Variants in CCNJL observed in about 807,000 individuals in gnomAD.
The protein encoded by CCNJL is cyclin J like.
Under a neutral mutation model 33.4 loss-of-function variants are expected in CCNJL, and 33 were observed. That is an observed-to-expected ratio of 0.99 (90% CI 0.75 to 1.32). CCNJL has a LOEUF of 1.32. Ranked by LOEUF, CCNJL falls within the 40% of genes most tolerant of loss-of-function variation. CCNJL has a pLI of 0.00. For synonymous variants in CCNJL, 227 were observed against 220.9 expected, an observed-to-expected ratio of 1.03 and a Z score of -0.24; for missense variants, 512 against 499.7, an observed-to-expected ratio of 1.02 and a Z score of -0.23.
At position 160,250,643 on chromosome 5, in the gene CCNJL, A is replaced by C. The variant is rs933226664; in HGVS notation, c.*2735T>G. 5.3e-5 allele frequency: 8 copies of C among 152,232 alleles called. No individual in the cohort carries two copies. Among genetic ancestry groups the C allele is most frequent in the Non-Finnish European group, 1.2e-4 (8 of 68,042 alleles). The allele number at this position is 152,232 out of a possible 1,614,324, so 9.4% of individuals were successfully genotyped here. A position where few individuals can be genotyped will look rare whatever the true frequency, so the allele number is the denominator to read the frequency against. ...GTACGAATCTGACATTTTTCATAAC[A>C]GCTGATGCTATATCTCATCAATTCT... is the stretch of plus-strand genomic sequence containing the variant. On this transcript the variant is annotated 3_prime_UTR_variant, in exon 6 of 6. Coordinates refer to ENST00000257536, the MANE Select transcript of CCNJL (RefSeq NM_001308173.3).
chr5:160,256,821 G>C (rs1195864261), intron 4 of CCNJL, among the ~76,000 whole-genome samples: 1 of 152,062 alleles, frequency 6.6e-6, no homozygotes, highest in African/African-American at 2.4e-5. Context: ...GGGAGGCTGA[G>C]GCAGGAGAAT....
intron 1 of CCNJL, among the ~76,000 whole-genome samples, chr5:160,333,191 C>T (rs868133993): frequency 4.6e-5 from 7 of 151,530 alleles, no homozygotes; most frequent in East Asian, 1.9e-4. Context: ...GGCACGCTCT[C>T]GGCTCATTGC....
At chr5:160,257,779 G>A (rs958648080) in intron 4 of CCNJL, among the ~76,000 whole-genome samples, 1 of 152,054 alleles carries the variant, frequency 6.6e-6, no homozygotes, top group African/African-American at 2.4e-5. Context: ...GATAATGTAT[G>A]CAAAGCACTG....
In CCNJL at chr5:160,253,644, T is replaced by A; in HGVS notation, c.898A>T (p.Thr300Ser). The change falls in exon 6 of 6, where the codon ACC becomes TCC. Residue 300 changes from threonine (T) to serine (S), a missense_variant. Thr to Ser is a moderately conservative substitution (Grantham distance 58). Transcript: ENST00000257536. ...QPATTLAQFQ[T>S]PVQDLCLAYR... ...GCCAAGCATAGGTCCTGCACGGGGG[T>A]CTGGAACTGTGCCAGGGTGGTCGCT... is the stretch of plus-strand genomic sequence containing the variant. 6.2e-7 allele frequency: 1 copy of A among 1,611,250 alleles called. No individual in the cohort carries two copies. Among genetic ancestry groups the A allele is most frequent in the South Asian group, 1.1e-5 (1 of 90,790 alleles).
At chr5:160,278,627 CCT>C (rs748749446) in intron 3 of CCNJL, among the ~76,000 whole-genome samples, 3 of 152,192 alleles carry the variant, frequency 2.0e-5, no homozygotes, top group East Asian at 1.9e-4. Flanking sequence ...TGAAACGTCC[CCT>C]CTCTCCGCCA....
chr5:160,291,928 G>A (rs539869287), intron 2 of CCNJL, among the ~76,000 whole-genome samples: 1 of 152,296 alleles, frequency 6.6e-6, no homozygotes, highest in East Asian at 1.9e-4. Context: ...GAACCACCAG[G>A]TTGTTTAAGG....
In CCNJL at chr5:160,254,399, C is replaced by T. The variant is rs552065977; in HGVS notation, c.744-601G>A. ...CATATAGCTTTTTGGGAAAACAAAA[C>T]AATTAGAGGCTTATGTAAGGCATGC... On this transcript the variant is annotated intron_variant, in intron 5 of 5. Coordinates refer to ENST00000257536, the MANE Select transcript of CCNJL (RefSeq NM_001308173.3). 354 of 621,664 alleles carry T rather than the reference C, an allele frequency of 5.7e-4. 2 individuals carry two copies. The highest frequency in any genetic ancestry group is 2.8e-4 in the Non-Finnish European group (98 of 350,164). 38.5% of individuals were successfully genotyped at this position (621,664 alleles called of 1,614,324 possible).
chr5:160,258,707 A>G (rs1047301267), intron 4 of CCNJL: 2 of 744,766 alleles, frequency 2.7e-6, no homozygotes, highest in African/African-American at 3.5e-5. Flanking sequence ...GTAAAAAACA[A>G]ACAAAAAAAA....
intron 1 of CCNJL, among the ~76,000 whole-genome samples, chr5:160,321,012 C>CTCTCTTTCTTTCTT (rs1561812740): frequency 5.6e-5 from 4 of 71,952 alleles, no homozygotes; most frequent in Non-Finnish European, 1.0e-4. Context: ...CTCTCTCTCT[C>CTCTCTTTCTTTCTT]TCTTTCTTTC....
Position 160,255,576 on chromosome 5 carries a change from A to T in CCNJL, c.716T>A (p.Leu239His). The change falls in exon 5 of 6, where the codon CTC (leucine) becomes CAC (histidine). Residue 239 changes from leucine to histidine, a missense_variant. Physicochemically the swap from Leu to His is moderately conservative, Grantham distance 99. Transcript: ENST00000257536. Reference protein sequence around the residue: ...QRISSYSLEHLSTCIEILLVV... With the variant: ...QRISSYSLEHHSTCIEILLVV... ...CAGCAGGATTTCAATACACGTGCTG[A>T]GGTGCTCCAGGGAATAGCTTGAGAT... 1 of 1,614,168 alleles carries T rather than the reference A, an allele frequency of 6.2e-7. No homozygotes were observed. Among genetic ancestry groups the T allele is most frequent in the Non-Finnish European group, 8.5e-7 (1 of 1,179,994 alleles).
intron 2 of CCNJL, among the ~76,000 whole-genome samples, chr5:160,305,831 T>C (rs764830410): frequency 6.6e-6 from 1 of 152,230 alleles, no homozygotes; most frequent in East Asian, 1.9e-4. Flanking sequence ...TATGGGAGCA[T>C]GCTGGCACAC....
intron 2 of CCNJL, among the ~76,000 whole-genome samples, chr5:160,285,316 G>C (rs956737974): frequency 6.6e-6 from 1 of 152,132 alleles, no homozygotes; most frequent in Non-Finnish European, 1.5e-5. Context: ...CCACCATGGA[G>C]TTCAAACTCC....
chr5:160,290,274 ATT>A (rs370693200), intron 2 of CCNJL, among the ~76,000 whole-genome samples: 4 of 147,670 alleles, frequency 2.7e-5, no homozygotes, highest in Non-Finnish European at 3.0e-5. Flanking sequence ...TATTTATTTA[ATT>A]TTTTTTTTTG....
chr5:160,307,727 AC>A (rs1763135762), intron 2 of CCNJL, among the ~76,000 whole-genome samples: 1 of 151,892 alleles, frequency 6.6e-6, no homozygotes, highest in Non-Finnish European at 1.5e-5. Context: ...TGGCACTCCC[AC>A]CCCCAGCAGA....
At chr5:160,292,972 G>T (rs1272953805) in intron 2 of CCNJL, among the ~76,000 whole-genome samples, 1 of 152,232 alleles carries the variant, frequency 6.6e-6, no homozygotes, top group Non-Finnish European at 1.5e-5. Context: ...GGCTCAGAGA[G>T]ACTAAGTAAC....
In CCNJL at chr5:160,280,717, G is replaced by A. The variant is rs773605574; in HGVS notation, c.88C>T (p.Arg30Ter). 20 of 1,607,840 alleles carry A rather than the reference G, an allele frequency of 1.2e-5. No homozygotes were observed. Among genetic ancestry groups the A allele is most frequent in the Middle Eastern group, 1.6e-4 (1 of 6,070 alleles). The change falls in exon 3 of 6, where the codon CGA (arginine) becomes TGA (stop). Residue 30 changes from arginine (R) to a stop codon, truncating the protein, a stop_gained. Transcript: ENST00000257536. LOFTEE classifies it high-confidence loss of function. ...REKELKLPTF[R>*]AHSPLLKSRR... is the part of the protein sequence containing the mutation. ...CTCTTCAGGAGTGGGGAGTGGGCTC[G>A]GAAGGTGGGCAGCTTCAGTTCCTGG...
rs1456188902 is a variant in CCNJL, at chr5:160,251,600, T to C, written c.*1778A>G. On this transcript the variant is annotated 3_prime_UTR_variant, in exon 6 of 6. Coordinates refer to ENST00000257536, the MANE Select transcript of CCNJL (RefSeq NM_001308173.3). ...TAGGGAGATGCTCACCAGGGCTGAT[T>C]TGAGAGAGGGAAGGAGGGGCCGGCC... 1 of 151,938 alleles carries C rather than the reference T, an allele frequency of 6.6e-6. No individual in the cohort carries two copies. Among genetic ancestry groups the C allele is most frequent in the Non-Finnish European group, 1.5e-5 (1 of 68,084 alleles). 9.4% of individuals were successfully genotyped at this position (151,938 alleles called of 1,614,324 possible). A position where few individuals can be genotyped will look rare whatever the true frequency, so the allele number is the denominator to read the frequency against.
Position 160,253,121 on chromosome 5 carries a change from G to A in CCNJL, c.*257C>T. The A allele has an allele frequency of 2.5e-6, 1 of 392,332 alleles. No homozygotes were observed. Among genetic ancestry groups the A allele is most frequent in the Non-Finnish European group, 4.5e-6 (1 of 220,140 alleles). The allele number at this position is 392,332 out of a possible 1,614,324, so 24.3% of individuals were successfully genotyped here. ...TTCTCGATTCACTGGGCCCCTGTGT[G>A]GGGGGACGGCCACCAAGCCATCCTT... On this transcript the variant is annotated 3_prime_UTR_variant, in exon 6 of 6. Transcript: ENST00000257536.
rs1561817490 is a variant in CCNJL at position 160,339,373 on chromosome 5, A to AAAC, written n.206+71_206+72insGTT. On this transcript the variant is annotated intron_variant and non_coding_transcript_variant, in intron 1 of 7. Transcript: ENST00000377503. ...AACATGCAAAACAAAAAAAAAAAACAAAAAAAAACGCCAAAACCCCAAAAC... is the reference window on the plus strand; with the variant it reads ...AACATGCAAAACAAAAAAAAAAAACAAACAAAAAAAACGCCAAAACCCCAAAAC... 342 of 312,564 alleles carry AAAC rather than the reference A, an allele frequency of 1.1e-3. 3 individuals carry two copies. The highest frequency in any genetic ancestry group is 3.1e-3 in the Middle Eastern group (6 of 1,920). 19.4% of individuals were successfully genotyped at this position (312,564 alleles called of 1,614,324 possible).
Sources: allele counts gnomAD v4.1 joint callset (sites outside exome capture counted in the v4.1 genomes callset), GRCh38; gene constraint gnomAD v4.1.1; transcripts MANE v1.5; gene names NCBI Gene and HGNC (gene_info 2026-07-23, HGNC 2026-07-21).